The following CNBD1 variants were observed in gnomAD, a reference collection of about 807,000 sequenced individuals.
CNBD1 encodes the protein cyclic nucleotide-binding domain-containing protein 1.
A neutral mutation model predicts 54.4 loss-of-function variants in CNBD1; 71 were observed. The ratio of observed to expected loss-of-function variants is 1.30; its 90% confidence interval spans 1.08 to 1.59. The LOEUF (loss-of-function observed/expected upper bound fraction) is 1.59. CNBD1 is among the 40% of genes most tolerant of loss of function. CNBD1 has a pLI of 0.00. For missense variants in CNBD1, 659 were observed against 518.0 expected, an observed-to-expected ratio of 1.27 and a Z score of -2.64; for synonymous variants, 182 against 170.7, an observed-to-expected ratio of 1.07 and a Z score of -0.51.
chr8:87,327,720 T>G (rs1307268115), intron 8 of CNBD1, among the ~76,000 whole-genome samples: 2 of 152,148 alleles, frequency 1.3e-5, no homozygotes, highest in African/African-American at 4.8e-5. Context: ...CCTAGTGAGA[T>G]GAACCCGGTA....
intron 8 of CNBD1, among the ~76,000 whole-genome samples, chr8:87,296,572 A>G (rs557152285): frequency 6.6e-6 from 1 of 151,768 alleles, no homozygotes; most frequent in Non-Finnish European, 1.5e-5. Flanking sequence ...TTGCAAAAGT[A>G]ATTAGTATCT....
At chr8:86,922,543 A>T (rs1000624219) in intron 3 of CNBD1, among the ~76,000 whole-genome samples, 2 of 152,106 alleles carry the variant, frequency 1.3e-5, no homozygotes, top group African/African-American at 2.4e-5. Flanking sequence ...GAAAGCCTGG[A>T]TGGCTTGGGG....
intron 2 of CNBD1, among the ~76,000 whole-genome samples, chr8:87,427,116 C>T (rs1408225793): frequency 6.6e-6 from 1 of 151,934 alleles, no homozygotes; most frequent in South Asian, 2.1e-4. Flanking sequence ...CGCAGTTCCC[C>T]CTGTAAAGAG....
chr8:87,064,477 GTCT>G (rs1238787514), intron 4 of CNBD1, among the ~76,000 whole-genome samples: 2 of 151,764 alleles, frequency 1.3e-5, no homozygotes, highest in African/African-American at 2.4e-5. Context: ...TAAATCCACT[GTCT>G]TCTTTGTTGA....
downstream of CNBD1, among the ~76,000 whole-genome samples, chr8:87,383,284 G>C (rs1811120077): frequency 6.6e-6 from 1 of 152,016 alleles, no homozygotes; most frequent in Non-Finnish European, 1.5e-5. Context: ...TTGTAGTATA[G>C]TTTCAGTTTA....
chr8:87,374,876 G>T (rs1171210598), intron 10 of CNBD1, among the ~76,000 whole-genome samples: 4 of 151,930 alleles, frequency 2.6e-5, no homozygotes, highest in Non-Finnish European at 1.5e-5. Context: ...AACATTTGTT[G>T]AATTAAGCAA....
intron 8 of CNBD1, among the ~76,000 whole-genome samples, chr8:87,329,170 G>A (rs868594648): frequency 6.6e-6 from 1 of 151,986 alleles, no homozygotes; most frequent in Non-Finnish European, 1.5e-5. Context: ...ACTGTTCTTT[G>A]GAAAGACTAC....
chr8:86,962,341 T>A (rs1429510181), intron 4 of CNBD1, among the ~76,000 whole-genome samples: 3 of 152,236 alleles, frequency 2.0e-5, no homozygotes. Flanking sequence ...TACTTTTAAA[T>A]AAGCTAACTT....
chr8:86,941,605 C>T (rs1182771437), intron 4 of CNBD1, among the ~76,000 whole-genome samples: 1 of 152,072 alleles, frequency 6.6e-6, no homozygotes, highest in African/African-American at 2.4e-5. Flanking sequence ...CAGGGACTTC[C>T]AAGCAGCTAT....
At position 87,050,902 on chromosome 8, in the gene CNBD1, G is replaced by A. The variant is rs953483924; in HGVS notation, c.431+111148G>A. On this transcript the variant is annotated intron_variant, in intron 4 of 10. Coordinates refer to ENST00000518476, the MANE Select transcript of CNBD1 (RefSeq NM_173538.3). ...CCTTTTTCAGCTTCTGGCTGTAGGGGGTATTGTTTCTGCTTAGGAAAAGAA... is the reference window on the plus strand; with the variant it reads ...CCTTTTTCAGCTTCTGGCTGTAGGGAGTATTGTTTCTGCTTAGGAAAAGAA... Among the ~76,000 whole-genome samples, 4 of 152,076 alleles carry A rather than the reference G, an allele frequency of 2.6e-5. No individual in the cohort carries two copies. In the South Asian group the frequency reaches 6.2e-4, roughly 24 times the overall value.
At chr8:87,212,677 C>T (rs2130802547) in intron 5 of CNBD1, among the ~76,000 whole-genome samples, 1 of 152,112 alleles carries the variant, frequency 6.6e-6, no homozygotes, top group East Asian at 1.9e-4. Context: ...AGGTAGACCC[C>T]TAATTTACAA....
At chr8:87,298,047 C>T (rs1479776775) in intron 8 of CNBD1, among the ~76,000 whole-genome samples, 2 of 151,480 alleles carry the variant, frequency 1.3e-5, no homozygotes, top group Non-Finnish European at 1.5e-5. Context: ...TTTGTATAAG[C>T]TGAGCTGTAT....
intron 10 of CNBD1, among the ~76,000 whole-genome samples, chr8:87,363,622 T>C (rs1016996313): frequency 2.0e-5 from 3 of 152,116 alleles, no homozygotes; most frequent in Non-Finnish European, 4.4e-5. Context: ...TGAGCTTTTT[T>C]TCATATGTTT....
intron 2 of CNBD1, among the ~76,000 whole-genome samples, chr8:87,424,532 T>C (rs536782249): frequency 2.0e-4 from 31 of 152,344 alleles, no homozygotes; most frequent in African/African-American, 7.5e-4. Context: ...TTTCGTTATG[T>C]ACCCAGTAGT....
chr8:87,227,254 G>T lies in CNBD1; in HGVS notation c.578-9665G>T, dbSNP rs9694732. 8.1e-3 allele frequency among the ~76,000 whole-genome samples: 1,211 copies of T among 149,376 alleles called. 10 individuals carry two copies. The highest frequency in any genetic ancestry group is 0.026 in the African/African-American group (1,069 of 40,656). On this transcript the variant is annotated intron_variant, in intron 5 of 10. Transcript: ENST00000518476. ...AGTCCATTTACATTTAAAGTTAATAGTGTTATGTGTGAATTTGATCCTGTC... is the reference window on the plus strand; with the variant it reads ...AGTCCATTTACATTTAAAGTTAATATTGTTATGTGTGAATTTGATCCTGTC...
intron 8 of CNBD1, among the ~76,000 whole-genome samples, chr8:87,342,736 G>A (rs560761973): frequency 7.2e-5 from 11 of 152,196 alleles, no homozygotes; most frequent in African/African-American, 2.6e-4. Context: ...CAGAAGGGGA[G>A]GGGGCACACG....
At chr8:87,277,542 A>G (rs1303507181) in intron 6 of CNBD1, among the ~76,000 whole-genome samples, 1 of 151,778 alleles carries the variant, frequency 6.6e-6, no homozygotes, top group African/African-American at 2.4e-5. Context: ...TACAAATTTA[A>G]GAAGTAGAAC....
intron 4 of CNBD1, among the ~76,000 whole-genome samples, chr8:87,010,255 A>G (rs748413724): frequency 3.3e-5 from 5 of 152,082 alleles, no homozygotes; most frequent in African/African-American, 7.2e-5. Flanking sequence ...TGTTAGATGT[A>G]TAGACAATGG....
In CNBD1 at chr8:86,932,178, C is replaced by T. The variant is rs137899626; in HGVS notation, c.273-7418C>T. Among the ~76,000 whole-genome samples the T allele has an allele frequency of 1.3e-3, 196 of 152,324 alleles. 2 individuals carry two copies. In the East Asian group the frequency reaches 0.037, roughly 29 times the overall value. On this transcript the variant is annotated intron_variant, in intron 3 of 10. Transcript: ENST00000518476. ...TTGATCTAATAATAGCATGACACCTCTCCAAGTGAGGTCGAAGGTTTGCCC... is the reference window on the plus strand; with the variant it reads ...TTGATCTAATAATAGCATGACACCTTTCCAAGTGAGGTCGAAGGTTTGCCC...
Sources: gnomAD v4.1 joint callset for allele counts (sites outside exome capture counted in the v4.1 genomes callset) on GRCh38, gnomAD v4.1.1 for gene constraint, MANE v1.5 for transcripts, NCBI Gene and HGNC (gene_info 2026-07-23, HGNC 2026-07-21) for gene names.